LMTK3: variants seen among roughly 807,000 people sequenced by gnomAD.
LMTK3 encodes the protein serine/threonine-protein kinase LMTK3.
Under a neutral mutation model 116.7 loss-of-function variants are expected in LMTK3, and 27 were observed. The ratio of observed to expected loss-of-function variants is 0.23; its 90% CI spans 0.17 to 0.32. The LOEUF is 0.32. LMTK3 is among the 10% of genes least tolerant of loss of function. The pLI is 1.00. For missense variants in LMTK3, 1,764 were observed against 2,068.5 expected, an observed-to-expected ratio of 0.85 and a Z score of 2.86; for synonymous variants, 965 against 971.0, an observed-to-expected ratio of 0.99 and a Z score of 0.11.
Position 48,498,013 on chromosome 19 carries a change from G to T in LMTK3, c.3056C>A (p.Pro1019Gln). The change falls in exon 11 of 15, where the codon CCA becomes CAA. Residue 1019 changes from proline to glutamine, a missense_variant. Coordinates refer to ENST00000600059, the MANE Select transcript of LMTK3 (RefSeq NM_001388485.1). ...LRFPRNTERPPETGPWRAPGP... is the reference protein window; with the variant it reads ...LRFPRNTERPQETGPWRAPGP... ...TGGGGCTCTCCAAGGCCCAGTCTCT[G>T]GTGGCCTCTCCGTGTTCCTGGGGAA... is the stretch of plus-strand genomic sequence containing the variant. 6.2e-7 allele frequency: 1 copy of T among 1,612,364 alleles called. No individual in the cohort carries two copies. The highest frequency in any genetic ancestry group is 8.5e-7 in the Non-Finnish European group (1 of 1,179,494).
In LMTK3 at chr19:48,501,540, G is replaced by A. The variant is rs770305596; in HGVS notation, c.817C>T (p.Leu273=). Reference sequence around the variant, plus strand: ...CGCACGGTCAGGTCAGAGGTCAGCAGGCAGTTGCGCAGGGCCAGGTCGCTG... The same window carrying A: ...CGCACGGTCAGGTCAGAGGTCAGCAAGCAGTTGCGCAGGGCCAGGTCGCTG... ...VHSDLALRNC[L]LTSDLTVRIG... Residue 273 remains leucine (L), a synonymous_variant, in exon 8 of 15, where the codon CTG becomes TTG. Coordinates refer to ENST00000600059, the MANE Select transcript of LMTK3 (RefSeq NM_001388485.1). 1 of 1,611,086 alleles carries A rather than the reference G, an allele frequency of 6.2e-7. No individual in the cohort carries two copies. The highest frequency in any genetic ancestry group is 8.5e-7 in the Non-Finnish European group (1 of 1,178,914).
Position 48,485,552 on chromosome 19 carries a change from GAGGGGGTCA to G in LMTK3, c.*212_*220del. On this transcript the variant is annotated 3_prime_UTR_variant, in exon 15 of 15. Transcript: ENST00000600059. ...GGGGATTCCTGCCTCATTTGGCTCC[GAGGGGGTCA>G]GGGGGGTCAGGGGAGCCATCTGGGG... 1.8e-6 allele frequency: 1 copy of G among 562,632 alleles called. No homozygotes were observed. The highest frequency in any genetic ancestry group is 2.0e-5 in the South Asian group (1 of 49,398). The allele number at this position is 562,632 out of a possible 1,614,324, so 34.9% of individuals were successfully genotyped here. A position where few individuals can be genotyped will look rare whatever the true frequency, so the allele number is the denominator to read the frequency against.
chr19:48,506,388 A>G (rs946655033), intron 5 of LMTK3, among the ~76,000 whole-genome samples: 9 of 152,314 alleles, frequency 5.9e-5, no homozygotes, highest in Non-Finnish European at 1.0e-4. Flanking sequence ...TAGATGCTCA[A>G]TAAACACAGG....
At position 48,499,276 on chromosome 19, in the gene LMTK3, T is replaced by A. The variant is rs1472946657; in HGVS notation, c.1793A>T (p.Gln598Leu). ...CAGGAAGCTGCCTGACGCTGAGGAC[T>A]GGGCTGGGAAGGGCCGGGGCGCAGG... Reference protein sequence around the residue: ...LFPAPRPFPAQSSASGSFLLS... With the variant: ...LFPAPRPFPALSSASGSFLLS... The change falls in exon 11 of 15, where the codon CAG (glutamine) becomes CTG (leucine). Residue 598 changes from glutamine to leucine, a missense_variant. This residue lies in a region of LMTK3 where 1,028 missense variants were observed against 1,050.6 expected (regional missense o/e 0.98). Transcript: ENST00000600059. 2 of 1,398,986 alleles carry A rather than the reference T, an allele frequency of 1.4e-6. No homozygotes were observed. Among genetic ancestry groups the A allele is most frequent in the African/African-American group, 3.0e-5 (2 of 66,768 alleles). The allele number at this position is 1,398,986 out of a possible 1,614,324, so 86.7% of individuals were successfully genotyped here.
chr19:48,490,978 C>A, intron 14 of LMTK3, 130 bp downstream of exon 14: 1 of 591,798 alleles, frequency 1.7e-6, no homozygotes, highest in East Asian at 3.5e-5. Context: ...TGTCTGTTGA[C>A]TGAGAGGGGA....
chr19:48,502,918 G>C lies in LMTK3; in HGVS notation c.636C>G (p.Phe212Leu). 6.2e-7 allele frequency: 1 copy of C among 1,611,654 alleles called. No homozygotes were observed. Among genetic ancestry groups the C allele is most frequent in the Non-Finnish European group, 8.5e-7 (1 of 1,178,524 alleles). ...CCCCCAAGACCCTCACCAGTTGACA[G>C]AACTCCATAATCAGCAGAAACGGCA... ...ETLPFLLIME[F>L]CQLGDLKRYL... Residue 212 changes from phenylalanine to leucine, a missense_variant, in exon 6 of 15, where the codon TTC becomes TTG. By Grantham distance (22) the Phe-to-Leu change is conservative. Transcript: ENST00000600059.
rs764550106 is a variant in LMTK3, at chr19:48,498,111, C to T, written c.2958G>A (p.Glu986=). The change falls in exon 11 of 15, where the codon GAG becomes GAA. Residue 986 remains glutamate (E), a synonymous_variant. Transcript: ENST00000600059. ...TCAGGCCCCCATTCACCAGCACCTT[C>T]TCCCCGGCCTCTGGGGACCTCAGCT... The part of the protein sequence containing the change: ...NGELRSPEAG[E]KVLVNGGLTP... The T allele has an allele frequency of 1.2e-6, 2 of 1,613,520 alleles. No individual in the cohort carries two copies. Among genetic ancestry groups the T allele is most frequent in the South Asian group, 2.2e-5 (2 of 91,076 alleles).
chr19:48,511,023 AC>A (rs1972649986), intron 1 of LMTK3, among the ~76,000 whole-genome samples: 1 of 150,916 alleles, frequency 6.6e-6, no homozygotes, highest in Admixed American at 6.6e-5. Context: ...CCATGCTGGA[AC>A]CCCCCAGTTT....
intron 14 of LMTK3, among the ~76,000 whole-genome samples, chr19:48,490,527 A>C: frequency 7.1e-6 from 1 of 141,426 alleles, no homozygotes; most frequent in Non-Finnish European, 1.6e-5. Context: ...TCCGTCTCAA[A>C]AAAAAAAAAA....
In LMTK3 at chr19:48,498,188, T is replaced by G; in HGVS notation, c.2881A>C (p.Asn961His). The change falls in exon 11 of 15, where the codon AAT (asparagine) becomes CAT (histidine). Residue 961 changes from asparagine (N) to histidine (H), a missense_variant. By Grantham distance (68) the Asn-to-His change is moderately conservative. Coordinates refer to ENST00000600059, the MANE Select transcript of LMTK3 (RefSeq NM_001388485.1). ...SPEREEKVLENGELTPPRREE... is the reference protein window; with the variant it reads ...SPEREEKVLEHGELTPPRREE... ...CTCCTTGGGGGTGTCAGCTCCCCAT[T>G]CTCCAGCACTTTCTCTTCTCTCTCG... 6.2e-7 allele frequency: 1 copy of G among 1,613,124 alleles called. No individual in the cohort carries two copies. Among genetic ancestry groups the G allele is most frequent in the Non-Finnish European group, 8.5e-7 (1 of 1,179,640 alleles).
At position 48,510,394 on chromosome 19, in the gene LMTK3, T is replaced by C. The variant is rs1266315824; in HGVS notation, c.210+65A>G. On this transcript the variant is annotated intron_variant, in intron 2 of 14. Coordinates refer to ENST00000600059, the MANE Select transcript of LMTK3 (RefSeq NM_001388485.1). ...TGCCCCCTTCTCCCCACCAACCACCTGTGTAGGGGGTAAAGGCCTTGCTGG... is the reference window on the plus strand; with the variant it reads ...TGCCCCCTTCTCCCCACCAACCACCCGTGTAGGGGGTAAAGGCCTTGCTGG... 8.5e-6 allele frequency: 13 copies of C among 1,536,344 alleles called. 1 individual carries two copies. Among genetic ancestry groups the C allele is most frequent in the Non-Finnish European group, 1.1e-5 (13 of 1,142,912 alleles).
chr19:48,488,260 G>T (rs1471866371), intron 14 of LMTK3, among the ~76,000 whole-genome samples: 1 of 152,074 alleles, frequency 6.6e-6, no homozygotes, highest in African/African-American at 2.4e-5. Flanking sequence ...CATTCAGAGT[G>T]AAGCCTGAGG....
chr19:48,500,937 C>G lies in LMTK3; in HGVS notation c.1151+59G>C. 1 of 1,436,532 alleles carries G rather than the reference C, an allele frequency of 7.0e-7. No individual in the cohort carries two copies. Among genetic ancestry groups the G allele is most frequent in the Non-Finnish European group, 9.2e-7 (1 of 1,087,236 alleles). 89.0% of individuals were successfully genotyped at this position (1,436,532 alleles called of 1,614,324 possible). On this transcript the variant is annotated intron_variant, in intron 10 of 14. Coordinates refer to ENST00000600059, the MANE Select transcript of LMTK3 (RefSeq NM_001388485.1). This position sits in a 1 kb window ranked among gnomAD's most constrained non-coding sequence, Gnocchi z 4.0. ...GTGATGTGGGAAACGAGGGGGGATG[C>G]TGGGACCATCCTGGGTGGGGTGCGG...
rs747820989 is a variant in LMTK3, at chr19:48,497,511, G to A, written c.3558C>T (p.Gly1186=). 6.2e-6 allele frequency: 9 copies of A among 1,440,754 alleles called. No homozygotes were observed. The highest frequency in any genetic ancestry group is 6.4e-6 in the Non-Finnish European group (7 of 1,096,622). 89.2% of individuals were successfully genotyped at this position (1,440,754 alleles called of 1,614,324 possible). ...CGTCTCCGCTGAGTGCCGTGTCTCCGCCGGCCCTGCTGTCTGGGGCCCCGG... is the reference window on the plus strand; with the variant it reads ...CGTCTCCGCTGAGTGCCGTGTCTCCACCGGCCCTGCTGTCTGGGGCCCCGG... ...GEPGAPDSRA[G]GDTALSGDGD... is the part of the protein sequence containing the mutation. Residue 1186 remains glycine, a synonymous_variant, in exon 11 of 15, where the codon GGC becomes GGT. Transcript: ENST00000600059. This position sits in a 1 kb window ranked among gnomAD's most constrained non-coding sequence, Gnocchi z 5.7.
At position 48,497,392 on chromosome 19, in the gene LMTK3, C is replaced by T; in HGVS notation, c.3676+1G>A. On this transcript the variant is annotated splice_donor_variant, in intron 11 of 14. Transcript: ENST00000600059. LOFTEE classifies it high-confidence loss of function. This position sits in a 1 kb window ranked among gnomAD's most constrained non-coding sequence, Gnocchi z 5.7. ...CTGACTGTGCCCCGCAGCCTCCTCACCTTTGATCTGCTCGCTGTTCCCCTG... is the reference window on the plus strand; with the variant it reads ...CTGACTGTGCCCCGCAGCCTCCTCATCTTTGATCTGCTCGCTGTTCCCCTG... 1 of 1,510,206 alleles carries T rather than the reference C, an allele frequency of 6.6e-7. No homozygotes were observed. The highest frequency in any genetic ancestry group is 1.3e-5 in the South Asian group (1 of 76,438). The allele number at this position is 1,510,206 out of a possible 1,614,324, so 93.6% of individuals were successfully genotyped here.
intron 4 of LMTK3, 56 bp from the exon 5 acceptor site, chr19:48,509,025 G>A: frequency 8.2e-7 from 1 of 1,216,808 alleles, no homozygotes; most frequent in Non-Finnish European, 1.2e-6. Context: ...CCCGTCCCCT[G>A]GGACCAGCTC....
At chr19:48,496,444 G>A (rs903185698) in intron 11 of LMTK3, among the ~76,000 whole-genome samples, 2 of 151,874 alleles carry the variant, frequency 1.3e-5, no homozygotes, top group East Asian at 1.9e-4. Context: ...GATTATAGGC[G>A]CCTACCATAA....
Position 48,509,029 on chromosome 19 carries a change from C to A in LMTK3, c.439-60G>T, listed in dbSNP as rs1428083136. 5 of 1,136,630 alleles carry A rather than the reference C, an allele frequency of 4.4e-6. No individual in the cohort carries two copies. The Admixed American group carries it at 5.9e-5, about 13-fold the overall frequency. The allele number at this position is 1,136,630 out of a possible 1,614,324, so 70.4% of individuals were successfully genotyped here. A position where few individuals can be genotyped will look rare whatever the true frequency, so the allele number is the denominator to read the frequency against. On this transcript the variant is annotated intron_variant, in intron 4 of 14. Transcript: ENST00000600059. The stretch of plus-strand genomic sequence containing the variant: ...GTTTCCCCAGCCCCGTCCCCTGGGA[C>A]CAGCTCCACTCCACCACACAGCTCC...
At chr19:48,495,040 G>C (rs1368432131) in intron 11 of LMTK3, among the ~76,000 whole-genome samples, 1 of 149,696 alleles carries the variant, frequency 6.7e-6, no homozygotes, top group South Asian at 2.1e-4. Flanking sequence ...ATGAAGTCTT[G>C]CTCTCGTCGC....
Sources: gnomAD v4.1 joint callset for allele counts (sites outside exome capture counted in the v4.1 genomes callset) on GRCh38, gnomAD v4.1.1 for gene constraint, gnomAD v4.1.1 regional missense constraint, Gnocchi (gnomAD v3.1) non-coding constraint, MANE v1.5 for transcripts, NCBI Gene and HGNC (gene_info 2026-07-23, HGNC 2026-07-21) for gene names.